ITGA9: variants seen among roughly 807,000 people sequenced by gnomAD.
The protein encoded by ITGA9 is integrin subunit alpha 9.
ITGA9 carries 56 observed loss-of-function variants against 127.8 expected under a neutral mutation model. The ratio of observed to expected loss-of-function variants is 0.44; its 90% confidence interval spans 0.35 to 0.55. The LOEUF (loss-of-function observed/expected upper bound fraction) is 0.55, where lower values mean the gene tolerates loss of function less well. Among genes scored for constraint, ITGA9 ranks in the 20% least tolerant of loss-of-function variants. The pLI, the probability that ITGA9 is intolerant of heterozygous loss-of-function variation, is 0.00. For synonymous variants in ITGA9, 508 were observed against 514.5 expected, an observed-to-expected ratio of 0.99 and a Z score of 0.17; for missense variants, 1,196 against 1,347.1, an observed-to-expected ratio of 0.89 and a Z score of 1.76.
At chr3:37,685,103 A>G (rs1170986308) in intron 18 of ITGA9, among the ~76,000 whole-genome samples, 1 of 152,180 alleles carries the variant, frequency 6.6e-6, no homozygotes, top group East Asian at 1.9e-4. Context: ...TCTTTATGTT[A>G]AAATGGAACC....
At chr3:37,509,824 G>T (rs1698883397) in intron 8 of ITGA9, among the ~76,000 whole-genome samples, 1 of 152,106 alleles carries the variant, frequency 6.6e-6, no homozygotes, top group Non-Finnish European at 1.5e-5. Flanking sequence ...CACCCTTAAA[G>T]TTAGAAAAGA....
intron 17 of ITGA9, among the ~76,000 whole-genome samples, chr3:37,667,479 A>G (rs769211656): frequency 2.0e-5 from 3 of 152,210 alleles, no homozygotes; most frequent in Non-Finnish European, 2.9e-5. Context: ...CAGCACGTCC[A>G]CAGGCAGAGA....
chr3:37,782,699 G>A (rs561253993), intron 25 of ITGA9, among the ~76,000 whole-genome samples: 43 of 152,230 alleles, frequency 2.8e-4, no homozygotes, highest in Non-Finnish European at 6.2e-4. Context: ...AGGATGTGGA[G>A]CAGCGCCAGC....
chr3:37,776,657 A>G (rs1696911956), intron 23 of ITGA9, among the ~76,000 whole-genome samples: 1 of 152,256 alleles, frequency 6.6e-6, no homozygotes, highest in Non-Finnish European at 1.5e-5. Flanking sequence ...GAAATCATCA[A>G]GAAAGACTAA....
intron 16 of ITGA9, among the ~76,000 whole-genome samples, chr3:37,638,670 C>G (rs1700304208): frequency 6.6e-6 from 1 of 152,156 alleles, no homozygotes; most frequent in Admixed American, 6.5e-5. Flanking sequence ...TAGGGTTCCA[C>G]TACTTTAAAT....
At chr3:37,770,868 C>T (rs942540458) in intron 23 of ITGA9, among the ~76,000 whole-genome samples, 6 of 152,226 alleles carry the variant, frequency 3.9e-5, no homozygotes, top group Admixed American at 6.5e-5. Flanking sequence ...GGGTTCCTGA[C>T]AGCTTCCCCA....
chr3:37,512,060 CTTT>C (rs1698922158), intron 8 of ITGA9, among the ~76,000 whole-genome samples: 6 of 51,586 alleles, frequency 1.2e-4, no homozygotes, highest in Admixed American at 3.2e-4. Flanking sequence ...TTCTTTCTTT[CTTT>C]CTTTCTTTCT....
intron 15 of ITGA9, among the ~76,000 whole-genome samples, chr3:37,584,080 T>C (rs539395454): frequency 1.4e-4 from 21 of 152,184 alleles, no homozygotes; most frequent in Admixed American, 1.0e-3. Context: ...CATAACAAAC[T>C]GCCCCACAAC....
intron 26 of ITGA9, 29 bp downstream of exon 26, chr3:37,785,107 C>T (rs375071861): frequency 5.2e-4 from 760 of 1,473,048 alleles, no homozygotes; most frequent in Non-Finnish European, 6.6e-4. Context: ...GACAGCCCTC[C>T]TCAGAGGGCA....
At chr3:37,595,427 A>G (rs182619132) in intron 15 of ITGA9, among the ~76,000 whole-genome samples, 115 of 152,328 alleles carry the variant, frequency 7.5e-4, no homozygotes, top group African/African-American at 2.7e-3. Context: ...CAGAGCAAAC[A>G]ACCAAAATTG....
intron 18 of ITGA9, among the ~76,000 whole-genome samples, chr3:37,712,466 CTG>C (rs1701089677): frequency 6.6e-6 from 1 of 152,224 alleles, no homozygotes; most frequent in African/African-American, 2.4e-5. Flanking sequence ...TGTGAGGTAT[CTG>C]TACTTGTTTT....
At chr3:37,720,754 C>A (rs2125683451) in intron 18 of ITGA9, among the ~76,000 whole-genome samples, 1 of 152,210 alleles carries the variant, frequency 6.6e-6, no homozygotes, top group Admixed American at 6.5e-5. Flanking sequence ...ATCCTGTGGT[C>A]CTGAAGAGGA....
intron 4 of ITGA9, among the ~76,000 whole-genome samples, chr3:37,493,520 A>G (rs906692012): frequency 1.3e-5 from 2 of 152,156 alleles, no homozygotes; most frequent in African/African-American, 2.4e-5. Flanking sequence ...TACCCATGAA[A>G]TGATTTCCAA....
intron 16 of ITGA9, among the ~76,000 whole-genome samples, chr3:37,642,861 G>T (rs1244197320): frequency 6.6e-6 from 1 of 152,188 alleles, no homozygotes; most frequent in African/African-American, 2.4e-5. Context: ...ATGCATATAG[G>T]AATATAGCTC....
At chr3:37,465,963 A>G (rs559233826) in intron 1 of ITGA9, among the ~76,000 whole-genome samples, 1 of 152,184 alleles carries the variant, frequency 6.6e-6, no homozygotes, top group Non-Finnish European at 1.5e-5. Flanking sequence ...GGTGCGTGCT[A>G]CAGCTTGGCA....
intron 16 of ITGA9, among the ~76,000 whole-genome samples, chr3:37,646,131 A>C (rs1700373832): frequency 6.6e-6 from 1 of 152,238 alleles, no homozygotes; most frequent in Non-Finnish European, 1.5e-5. Context: ...ATTCTAAAAC[A>C]GGATTCAACA....
chr3:37,501,626 A>C (rs182012935), intron 5 of ITGA9, among the ~76,000 whole-genome samples: 1 of 152,232 alleles, frequency 6.6e-6, no homozygotes, highest in East Asian at 1.9e-4. Flanking sequence ...TCTGACTTCC[A>C]TCAGTGTGGA....
At chr3:37,454,587 T>C (rs1406936465) in intron 1 of ITGA9, among the ~76,000 whole-genome samples, 1 of 152,226 alleles carries the variant, frequency 6.6e-6, no homozygotes, top group Non-Finnish European at 1.5e-5. Context: ...TCTCTTGTTC[T>C]GATACAAGCT....
intron 15 of ITGA9, among the ~76,000 whole-genome samples, chr3:37,585,153 C>T (rs910285781): frequency 3.9e-5 from 6 of 152,170 alleles, no homozygotes; most frequent in African/African-American, 1.4e-4. Context: ...TGCTTTGCCA[C>T]AGGGGTCTCT....
Sources: gnomAD v4.1 joint callset for allele counts (sites outside exome capture counted in the v4.1 genomes callset) on GRCh38, gnomAD v4.1.1 for gene constraint, MANE v1.5 for transcripts, NCBI Gene and HGNC (gene_info 2026-07-23, HGNC 2026-07-21) for gene names.